Variants in PPP1R12B observed in about 807,000 individuals in gnomAD.
The protein encoded by PPP1R12B is protein phosphatase 1 regulatory subunit 12B, also known as myosin phosphatase target subunit 2.
Under a neutral mutation model 126.1 loss-of-function variants are expected in PPP1R12B, and 76 were observed. That is an observed-to-expected ratio of 0.60 (90% CI 0.50 to 0.73). The LOEUF (loss-of-function observed/expected upper bound fraction) is 0.73. Ranked by LOEUF, PPP1R12B falls within the 30% of genes least tolerant of loss-of-function variation. The probability of loss-of-function intolerance (pLI) is 0.00; values close to 1 mark genes in which losing one functional copy is unlikely to be tolerated. For synonymous variants in PPP1R12B, 356 were observed against 434.7 expected, an observed-to-expected ratio of 0.82 and a Z score of 2.25; for missense variants, 1,052 against 1,205.1, an observed-to-expected ratio of 0.87 and a Z score of 1.88.
chr1:202,365,635 C>T (rs1659087121), intron 1 of PPP1R12B, among the ~76,000 whole-genome samples: 1 of 152,136 alleles, frequency 6.6e-6, no homozygotes, highest in Non-Finnish European at 1.5e-5. Context: ...AAATTCACAT[C>T]TGTCTGACTC....
intron 1 of PPP1R12B, among the ~76,000 whole-genome samples, chr1:202,362,890 A>G (rs768037057): frequency 6.6e-6 from 1 of 152,078 alleles, no homozygotes; most frequent in African/African-American, 2.4e-5. Flanking sequence ...CTGGAGTGCA[A>G]TGGCACGATC....
intron 23 of PPP1R12B, among the ~76,000 whole-genome samples, chr1:202,578,736 T>G (rs1448269195): frequency 6.6e-6 from 1 of 152,220 alleles, no homozygotes. Context: ...TTACCTCCTG[T>G]GAGCCTTGCA....
chr1:202,414,431 G>C (rs1667803809), intron 1 of PPP1R12B, among the ~76,000 whole-genome samples: 1 of 152,126 alleles, frequency 6.6e-6, no homozygotes, highest in Non-Finnish European at 1.5e-5. Flanking sequence ...GAAAATATAG[G>C]TTGATTGAGT....
intron 18 of PPP1R12B, among the ~76,000 whole-genome samples, chr1:202,529,782 G>T (rs1683736574): frequency 6.6e-6 from 1 of 152,132 alleles, no homozygotes; most frequent in Non-Finnish European, 1.5e-5. Context: ...AGATATCTTT[G>T]AGAACTAAAT....
At chr1:202,506,608 A>AT (rs1365489578) in intron 18 of PPP1R12B, among the ~76,000 whole-genome samples, 12 of 152,220 alleles carry the variant, frequency 7.9e-5, no homozygotes, top group African/African-American at 2.9e-4. Flanking sequence ...TAAGGATAGT[A>AT]TAGTTAACTT....
At chr1:202,417,289 T>A (rs1186380137) in intron 2 of PPP1R12B, 6 of 985,358 alleles carry the variant, frequency 6.1e-6, no homozygotes, top group South Asian at 4.7e-5. Flanking sequence ...ACTGTTTTTT[T>A]AAAAAAATCA....
intron 1 of PPP1R12B, among the ~76,000 whole-genome samples, chr1:202,406,232 A>T (rs567306249): frequency 6.6e-6 from 1 of 152,386 alleles, no homozygotes; most frequent in South Asian, 2.1e-4. Flanking sequence ...GCAGCAGGGT[A>T]GACCACTGGG....
At chr1:202,485,626 G>A (rs572194601) in intron 13 of PPP1R12B, among the ~76,000 whole-genome samples, 1 of 152,262 alleles carries the variant, frequency 6.6e-6, no homozygotes, top group African/African-American at 2.4e-5. Flanking sequence ...GCTGATCCTG[G>A]TAGGGAAGAC....
rs974924403 is a variant in PPP1R12B, at chr1:202,348,882, C to G, written c.31C>G (p.Arg11Gly). MAELEHLGGKRAESARMRRAE... is the reference protein window; with the variant it reads MAELEHLGGKGAESARMRRAE... ...GGAACTGGAGCACCTAGGAGGGAAG[C>G]GGGCAGAGTCGGCGCGAATGCGGCG... is the stretch of plus-strand genomic sequence containing the variant. Residue 11 changes from arginine to glycine, a missense_variant, in exon 1 of 24, where the codon CGG (arginine) becomes GGG (glycine). Transcript: ENST00000608999. 1 of 1,610,402 alleles carries G rather than the reference C, an allele frequency of 6.2e-7. No individual in the cohort carries two copies. The highest frequency in any genetic ancestry group is 8.5e-7 in the Non-Finnish European group (1 of 1,179,194).
chr1:202,438,420 A>G (rs541739855), intron 10 of PPP1R12B: 137 of 492,766 alleles, frequency 2.8e-4, no homozygotes, highest in African/African-American at 2.1e-3. Context: ...TGAACCCTCT[A>G]AGCCCTCTGC....
At chr1:202,559,418 T>C (rs900070603) in intron 19 of PPP1R12B, among the ~76,000 whole-genome samples, 2 of 152,186 alleles carry the variant, frequency 1.3e-5, no homozygotes, top group Non-Finnish European at 2.9e-5. Flanking sequence ...TGCTCCTTAG[T>C]AGTTTGTTGA....
intron 1 of PPP1R12B, among the ~76,000 whole-genome samples, chr1:202,379,715 GT>G (rs1661913177): frequency 6.6e-6 from 1 of 152,078 alleles, no homozygotes; most frequent in South Asian, 2.1e-4. Flanking sequence ...ATAGTACCTT[GT>G]TATTTTTAAA....
chr1:202,472,277 T>C (rs1676033840), intron 13 of PPP1R12B, among the ~76,000 whole-genome samples: 1 of 152,214 alleles, frequency 6.6e-6, no homozygotes, highest in Non-Finnish European at 1.5e-5. Context: ...ATTCCCCTTA[T>C]TGTTTGATAT....
chr1:202,349,222 A>G, intron 1 of PPP1R12B, 80 bp downstream of exon 1: 1 of 1,531,824 alleles, frequency 6.5e-7, no homozygotes, highest in South Asian at 1.2e-5. Context: ...CATGGGGAGT[A>G]TCAGTGTTGC....
At position 202,440,806 on chromosome 1, in the gene PPP1R12B, C is replaced by T. The variant is rs962324061; in HGVS notation, c.1541+18C>T. ...GAGAACAGGTAATCCTAAAACCAGC[C>T]AAAAGATGGTCCTCATCCTCTTAGG... On this transcript the variant is annotated intron_variant, in intron 11 of 23. Coordinates refer to ENST00000608999, the MANE Select transcript of PPP1R12B (RefSeq NM_002481.4). 3.8e-6 allele frequency: 6 copies of T among 1,595,878 alleles called. No individual in the cohort carries two copies. The highest frequency in any genetic ancestry group is 1.1e-5 in the South Asian group (1 of 90,558).
intron 23 of PPP1R12B, among the ~76,000 whole-genome samples, chr1:202,573,358 C>T (rs1430050336): frequency 2.0e-5 from 3 of 152,110 alleles, no homozygotes; most frequent in African/African-American, 7.2e-5. Context: ...AGAGATTCAG[C>T]AGTTTGTCTC....
At chr1:202,554,476 T>G (rs1430894035) in intron 18 of PPP1R12B, among the ~76,000 whole-genome samples, 3 of 152,170 alleles carry the variant, frequency 2.0e-5, no homozygotes, top group Non-Finnish European at 4.4e-5. Context: ...TACTCTCCTC[T>G]AATTGGTAGG....
intron 18 of PPP1R12B, chr1:202,502,327 A>G (rs1227817782): frequency 2.0e-6 from 2 of 985,270 alleles, no homozygotes; most frequent in Non-Finnish European, 2.4e-6. Context: ...GAGTTAAGCT[A>G]TTAAATGCAA....
chr1:202,384,216 T>C (rs1662778753), intron 1 of PPP1R12B, among the ~76,000 whole-genome samples: 1 of 152,178 alleles, frequency 6.6e-6, no homozygotes, highest in South Asian at 2.1e-4. Context: ...TTCAAAATAA[T>C]TAAAAACATA....
Sources: gnomAD v4.1 joint callset for allele counts (sites outside exome capture counted in the v4.1 genomes callset) on GRCh38, gnomAD v4.1.1 for gene constraint, MANE v1.5 for transcripts, NCBI Gene and HGNC (gene_info 2026-07-23, HGNC 2026-07-21) for gene names.